FOXF1: variants seen among roughly 807,000 people sequenced by gnomAD.
FOXF1 encodes forkhead box F1, also known as forkhead box protein F1.
Under a neutral mutation model 26.6 loss-of-function variants are expected in FOXF1, and 9 were observed. The ratio of observed to expected loss-of-function variants is 0.34; its 90% CI spans 0.20 to 0.59. The LOEUF is 0.59. Ranked by LOEUF, FOXF1 falls within the 20% of genes least tolerant of loss-of-function variation. FOXF1 has a pLI of 0.83. For missense variants in FOXF1, 499 were observed against 549.9 expected (o/e 0.91, Z 0.93); for synonymous variants, 330 against 257.7 (o/e 1.28, Z -2.69).
Position 86,512,914 on chromosome 16 carries a change from T to C in FOXF1, c.980-11T>C, listed in dbSNP as rs769432820. The C allele has an allele frequency of 2.5e-6, 4 of 1,614,014 alleles. No homozygotes were observed. Among genetic ancestry groups the C allele is most frequent in the Non-Finnish European group, 3.4e-6 (4 of 1,180,018 alleles). ...TGCTCCCCCAACCCCTCCTGTCGCC[T>C]CGCCTTGCAGGCATCCCGCGGTATC... On this transcript the variant is annotated splice_polypyrimidine_tract_variant and intron_variant, in intron 1 of 1. Coordinates refer to ENST00000262426, the MANE Select transcript of FOXF1 (RefSeq NM_001451.3).
chr16:86,511,788 T>A (rs995194135), intron 1 of FOXF1, among the ~76,000 whole-genome samples: 1 of 152,212 alleles, frequency 6.6e-6, no homozygotes, highest in African/African-American at 2.4e-5. Flanking sequence ...TGCCAGCTGC[T>A]CCAGGCCTGA....
At position 86,510,552 on chromosome 16, in the gene FOXF1, G is replaced by GGCGGCA. The variant is rs1597291060; in HGVS notation, c.-15_-10dup. The GGCGGCA allele has an allele frequency of 7.6e-7, 1 of 1,307,312 alleles. No individual in the cohort carries two copies. The highest frequency in any genetic ancestry group is 9.7e-7 in the Non-Finnish European group (1 of 1,032,026). The allele number at this position is 1,307,312 out of a possible 1,614,324, so 81.0% of individuals were successfully genotyped here. A position where few individuals can be genotyped will look rare whatever the true frequency, so the allele number is the denominator to read the frequency against. ...GCAGAGCAGCGGCGGCAGCGGCGGC[G>GGCGGCA]GCGGCAGCAGCCACCCGATGTCTTC... On this transcript the variant is annotated 5_prime_UTR_variant, in exon 1 of 2. Coordinates refer to ENST00000262426, the MANE Select transcript of FOXF1 (RefSeq NM_001451.3).
At chr16:86,511,664 A>C in intron 1 of FOXF1, 116 bp downstream of exon 1, 1 of 1,423,848 alleles carries the variant, frequency 7.0e-7, no homozygotes, top group Non-Finnish European at 9.5e-7. Flanking sequence ...GGCTGAGGGG[A>C]GGCACCAGCT....
In FOXF1 at chr16:86,514,136, T is replaced by C. The variant is rs1567512511; in HGVS notation, c.*1051T>C. The C allele has an allele frequency of 6.6e-6, 1 of 152,212 alleles. No homozygotes were observed. The highest frequency in any genetic ancestry group is 2.4e-5 in the African/African-American group (1 of 41,458). 9.4% of individuals were successfully genotyped at this position (152,212 alleles called of 1,614,324 possible). A position where few individuals can be genotyped will look rare whatever the true frequency, so the allele number is the denominator to read the frequency against. On this transcript the variant is annotated 3_prime_UTR_variant, in exon 2 of 2. Coordinates refer to ENST00000262426, the MANE Select transcript of FOXF1 (RefSeq NM_001451.3). ...GTAACTTTGTTGGCAATATTTGCCG[T>C]GTAGAATTTTTTTTAGATATCCATT...
chr16:86,513,953 A>G lies in FOXF1; in HGVS notation c.*868A>G, dbSNP rs1379351587. The stretch of plus-strand genomic sequence containing the variant: ...CCGAACACAGCGCGACGCAGGGACT[A>G]GGACGGCCCGGTGACCGCGCGGATT... On this transcript the variant is annotated 3_prime_UTR_variant, in exon 2 of 2. Coordinates refer to ENST00000262426, the MANE Select transcript of FOXF1 (RefSeq NM_001451.3). 1.3e-5 allele frequency: 2 copies of G among 152,284 alleles called. No individual in the cohort carries two copies. The highest frequency in any genetic ancestry group is 2.9e-5 in the Non-Finnish European group (2 of 68,054). 9.4% of individuals were successfully genotyped at this position (152,284 alleles called of 1,614,324 possible).
At position 86,515,284 on chromosome 16, in the gene FOXF1, T is replaced by G. The variant is rs569840506; in HGVS notation, c.*2199T>G. 3 of 152,106 alleles carry G rather than the reference T, an allele frequency of 2.0e-5. No homozygotes were observed. The East Asian group carries it at 5.8e-4, about 30-fold the overall frequency. The allele number at this position is 152,106 out of a possible 1,614,324, so 9.4% of individuals were successfully genotyped here. A position where few individuals can be genotyped will look rare whatever the true frequency, so the allele number is the denominator to read the frequency against. ...CGGTCCTTCCAGACCCACCGCAGTG[T>G]CTTGCGTCGTGGGGTCGTGAGTCTC... On this transcript the variant is annotated 3_prime_UTR_variant, in exon 2 of 2. Transcript: ENST00000262426. The surrounding 1 kb of genome is among the most constrained non-coding windows in gnomAD (Gnocchi z 4.1).
chr16:86,514,809 A>T lies in FOXF1; in HGVS notation c.*1724A>T, dbSNP rs554720008. ...CATATATGTGCACATACATATGGAT[A>T]TACATATATATGTATATACATATAT... On this transcript the variant is annotated 3_prime_UTR_variant, in exon 2 of 2. Coordinates refer to ENST00000262426, the MANE Select transcript of FOXF1 (RefSeq NM_001451.3). 1 of 151,424 alleles carries T rather than the reference A, an allele frequency of 6.6e-6. No individual in the cohort carries two copies. 9.4% of individuals were successfully genotyped at this position (151,424 alleles called of 1,614,324 possible).
Position 86,515,288 on chromosome 16 carries a change from G to A in FOXF1, c.*2203G>A, listed in dbSNP as rs891245679. The A allele has an allele frequency of 6.6e-6, 1 of 152,046 alleles. No homozygotes were observed. Among genetic ancestry groups the A allele is most frequent in the Admixed American group, 6.5e-5 (1 of 15,268 alleles). 9.4% of individuals were successfully genotyped at this position (152,046 alleles called of 1,614,324 possible). A position where few individuals can be genotyped will look rare whatever the true frequency, so the allele number is the denominator to read the frequency against. On this transcript the variant is annotated 3_prime_UTR_variant, in exon 2 of 2. Coordinates refer to ENST00000262426, the MANE Select transcript of FOXF1 (RefSeq NM_001451.3). The surrounding 1 kb of genome is among the most constrained non-coding windows in gnomAD (Gnocchi z 4.1). ...CCTTCCAGACCCACCGCAGTGTCTT[G>A]CGTCGTGGGGTCGTGAGTCTCTGAA...
rs964439725 is a variant in FOXF1 at position 86,514,544 on chromosome 16, T to G, written c.*1459T>G. On this transcript the variant is annotated 3_prime_UTR_variant, in exon 2 of 2. Coordinates refer to ENST00000262426, the MANE Select transcript of FOXF1 (RefSeq NM_001451.3). ...AAAGAAAAAACAGGCTTTGGATCTC[T>G]AGACGCTTAAAAATTTACAATCTGG... is the stretch of plus-strand genomic sequence containing the variant. 35 of 152,322 alleles carry G rather than the reference T, an allele frequency of 2.3e-4. No homozygotes were observed. Among genetic ancestry groups the G allele is most frequent in the African/African-American group, 8.2e-4 (34 of 41,584 alleles). The allele number at this position is 152,322 out of a possible 1,614,324, so 9.4% of individuals were successfully genotyped here.
intron 1 of FOXF1, among the ~76,000 whole-genome samples, chr16:86,512,213 C>T (rs1421915722): frequency 3.3e-5 from 5 of 152,196 alleles, no homozygotes; most frequent in African/African-American, 1.2e-4. Context: ...CCCCACACCC[C>T]CAACACCCCT....
At chr16:86,511,914 C>T (rs905331320) in intron 1 of FOXF1, among the ~76,000 whole-genome samples, 65 of 152,350 alleles carry the variant, frequency 4.3e-4, no homozygotes, top group African/African-American at 1.4e-3. Context: ...AGGCTCCCAG[C>T]GCTGGCCAGA....
rs368108218 is a variant in FOXF1, at chr16:86,513,096, G to A, written c.*11G>A. ...CCTTGCGTGATGTGAGGCTGCCGCC[G>A]CAGGCCCTCCTGGTGCAGGCAGGCG... On this transcript the variant is annotated 3_prime_UTR_variant, in exon 2 of 2. Transcript: ENST00000262426. The A allele has an allele frequency of 5.6e-6, 9 of 1,609,340 alleles. No individual in the cohort carries two copies. Among genetic ancestry groups the A allele is most frequent in the South Asian group, 4.4e-5 (4 of 91,084 alleles).
Position 86,512,916 on chromosome 16 carries a change from G to A in FOXF1, c.980-9G>A, listed in dbSNP as rs762441828. ...CTCCCCCAACCCCTCCTGTCGCCTCGCCTTGCAGGCATCCCGCGGTATCAC... is the reference window on the plus strand; with the variant it reads ...CTCCCCCAACCCCTCCTGTCGCCTCACCTTGCAGGCATCCCGCGGTATCAC... On this transcript the variant is annotated splice_polypyrimidine_tract_variant and intron_variant, in intron 1 of 1. Coordinates refer to ENST00000262426, the MANE Select transcript of FOXF1 (RefSeq NM_001451.3). The A allele has an allele frequency of 5.0e-6, 8 of 1,613,848 alleles. No homozygotes were observed. The highest frequency in any genetic ancestry group is 4.4e-5 in the South Asian group (4 of 91,090).
chr16:86,512,810 G>A, intron 1 of FOXF1, 115 bp from the exon 2 acceptor site: 7 of 1,275,216 alleles, frequency 5.5e-6, no homozygotes, highest in Admixed American at 1.7e-5. Context: ...GTGCTCTGGA[G>A]CCAGGCTGAC....
rs1282826378 is a variant in FOXF1 at position 86,510,582 on chromosome 16, C to A, written c.13C>A (p.Pro5Thr). ...CAGCAGCCACCCGATGTCTTCGGCG[C>A]CCGAGAAGCAGCAGCCACCGCACGG... MSSA[P>T]EKQQPPHGGG... Residue 5 changes from proline to threonine, a missense_variant, in exon 1 of 2, where the codon CCC becomes ACC. By Grantham distance (38) the Pro-to-Thr change is conservative. Around this residue, in one of 5 missense-constraint regions of FOXF1, gnomAD observed 76 missense variants for 78.9 expected, o/e 0.96. Transcript: ENST00000262426. The A allele has an allele frequency of 1.1e-5, 15 of 1,375,952 alleles. No homozygotes were observed. The highest frequency in any genetic ancestry group is 1.8e-5 in the South Asian group (1 of 56,086). 85.2% of individuals were successfully genotyped at this position (1,375,952 alleles called of 1,614,324 possible).
Position 86,511,488 on chromosome 16 carries a change from C to G in FOXF1, c.919C>G (p.His307Asp). 6.3e-7 allele frequency: 1 copy of G among 1,585,748 alleles called. No homozygotes were observed. Among genetic ancestry groups the G allele is most frequent in the Non-Finnish European group, 8.5e-7 (1 of 1,174,314 alleles). The change falls in exon 1 of 2, where the codon CAC (histidine) becomes GAC (aspartate). Residue 307 changes from histidine (H) to aspartate (D), a missense_variant. Around this residue, in one of 5 missense-constraint regions of FOXF1, gnomAD observed 367 missense variants for 324.8 expected, o/e 1.13. Transcript: ENST00000262426. ...ANPLSGSLST[H>D]SLEQPYLHQN... ...CCCCCTGTCCGGCAGCCTCTCCACG[C>G]ACTCCCTGGAGCAGCCGTATCTGCA...
In FOXF1 at chr16:86,514,726, GAAAT is replaced by G. The variant is rs1325022694; in HGVS notation, c.*1645_*1648del. ...TCTAAATGTCATTGATCGTTTTAAAGAAATAAACTTTTAAAGAACACTATAGACC... is the reference window on the plus strand; with the variant it reads ...TCTAAATGTCATTGATCGTTTTAAAGAAACTTTTAAAGAACACTATAGACC... On this transcript the variant is annotated 3_prime_UTR_variant, in exon 2 of 2. Transcript: ENST00000262426. 6.6e-6 allele frequency: 1 copy of G among 152,056 alleles called. No homozygotes were observed. Among genetic ancestry groups the G allele is most frequent in the African/African-American group, 2.4e-5 (1 of 41,394 alleles). 9.4% of individuals were successfully genotyped at this position (152,056 alleles called of 1,614,324 possible).
chr16:86,512,486 TGCTGGCCCGGC>T (rs1486539780), intron 1 of FOXF1, among the ~76,000 whole-genome samples: 2 of 152,236 alleles, frequency 1.3e-5, no homozygotes, highest in African/African-American at 2.4e-5. Flanking sequence ...TCACCCCTGC[TGCTGGCCCGGC>T]GCTGGCCCTG....
chr16:86,513,395 C>T lies in FOXF1; in HGVS notation c.*310C>T, dbSNP rs56404456. 151,737 of 382,712 alleles carry T rather than the reference C, an allele frequency of 0.4. 35,421 individuals carry two copies. The highest frequency in any genetic ancestry group is 0.78 in the African/African-American group (38,441 of 49,026). The allele number at this position is 382,712 out of a possible 1,614,324, so 23.7% of individuals were successfully genotyped here. ...AGACGGTGCTGTGCAGGGGAAAGCC[C>T]CCGCACCCACACAGGAATTCTGCTG... On this transcript the variant is annotated 3_prime_UTR_variant, in exon 2 of 2. Coordinates refer to ENST00000262426, the MANE Select transcript of FOXF1 (RefSeq NM_001451.3).
Sources: allele counts gnomAD v4.1 joint callset (sites outside exome capture counted in the v4.1 genomes callset), GRCh38; gene constraint gnomAD v4.1.1; regional missense constraint gnomAD v4.1.1; non-coding constraint Gnocchi (gnomAD v3.1); transcripts MANE v1.5; gene names NCBI Gene and HGNC (gene_info 2026-07-23, HGNC 2026-07-21).